The following DAG1 variants were observed in gnomAD, a reference collection of about 807,000 sequenced individuals.
DAG1 encodes the protein dystroglycan 1.
DAG1 carries 8 observed loss-of-function variants against 46.1 expected under a neutral mutation model. The ratio of observed to expected loss-of-function variants is 0.17; its 90% CI spans 0.10 to 0.31. DAG1 has a LOEUF of 0.31. Among genes scored for constraint, DAG1 ranks in the 10% least tolerant of loss-of-function variants. The pLI is 1.00. For missense variants in DAG1, 1,003 were observed against 1,189.9 expected (o/e 0.84, Z 2.31); for synonymous variants, 495 against 481.8 (o/e 1.03, Z -0.36).
chr3:49,496,672 T>TC (rs1297347693), intron 1 of DAG1, among the ~76,000 whole-genome samples: 1 of 151,162 alleles, frequency 6.6e-6, no homozygotes, highest in Non-Finnish European at 1.5e-5. Context: ...AATTTTTTTT[T>TC]CTTTTTTTTT....
At chr3:49,504,540 A>G (rs192401133) in intron 1 of DAG1, among the ~76,000 whole-genome samples, 37 of 112,110 alleles carry the variant, frequency 3.3e-4, no homozygotes, top group Admixed American at 1.9e-3. Flanking sequence ...CCATTTGTCT[A>G]TGTATCTGTC....
At chr3:49,527,628 G>A (rs1025040725) in intron 2 of DAG1, among the ~76,000 whole-genome samples, 6 of 152,198 alleles carry the variant, frequency 3.9e-5, no homozygotes, top group East Asian at 1.9e-4. Context: ...GCGTGATCCC[G>A]GGAGGCGGAG....
Position 49,514,669 on chromosome 3 carries a change from G to A in DAG1, c.285+3850G>A, listed in dbSNP as rs555962180. 6.7e-5 allele frequency among the ~76,000 whole-genome samples: 10 copies of A among 149,582 alleles called. No homozygotes were observed. In the East Asian group the frequency reaches 2.0e-3, roughly 30 times the overall value. On this transcript the variant is annotated intron_variant, in intron 2 of 2. Transcript: ENST00000308775. ...TGTTTTTTTGGGGGGATGGAGTTTC[G>A]CTCTTGTCGCCCAGGATGGAGTACA...
intron 1 of DAG1, among the ~76,000 whole-genome samples, chr3:49,472,241 G>C (rs1035533893): frequency 1.2e-4 from 18 of 152,214 alleles, no homozygotes; most frequent in African/African-American, 3.6e-4. Context: ...GGAGAGGTGG[G>C]GAGGGAGAAG....
intron 1 of DAG1, among the ~76,000 whole-genome samples, chr3:49,475,714 T>TC: frequency 6.6e-6 from 1 of 150,938 alleles, no homozygotes; most frequent in South Asian, 2.1e-4. Flanking sequence ...TTTTTTTTTT[T>TC]TGAGACGGAG....
intron 1 of DAG1, among the ~76,000 whole-genome samples, chr3:49,477,231 A>G (rs1372334105): frequency 6.6e-6 from 1 of 152,104 alleles, no homozygotes; most frequent in Non-Finnish European, 1.5e-5. Flanking sequence ...TCCCGACGTC[A>G]GGTGATCTGC....
At chr3:49,493,277 C>G (rs536405536) in intron 1 of DAG1, among the ~76,000 whole-genome samples, 1 of 152,022 alleles carries the variant, frequency 6.6e-6, no homozygotes, top group South Asian at 2.1e-4. Context: ...CTCCTGGGCT[C>G]AAGCAATCCA....
chr3:49,496,254 C>T (rs966872959), intron 1 of DAG1, among the ~76,000 whole-genome samples: 1 of 152,034 alleles, frequency 6.6e-6, no homozygotes, highest in Non-Finnish European at 1.5e-5. Flanking sequence ...CTCATGGCAG[C>T]CTCAACCTCC....
chr3:49,515,862 A>G (rs991773563), intron 2 of DAG1, among the ~76,000 whole-genome samples: 1 of 151,962 alleles, frequency 6.6e-6, no homozygotes, highest in African/African-American at 2.4e-5. Flanking sequence ...TGTTCTCCAT[A>G]TTGAGTCAAG....
intron 1 of DAG1, among the ~76,000 whole-genome samples, chr3:49,485,855 CTTG>C (rs1317894061): frequency 1.3e-5 from 2 of 151,770 alleles, no homozygotes; most frequent in Non-Finnish European, 2.9e-5. Context: ...GATACATGGT[CTTG>C]TTATGTTGCC....
chr3:49,528,262 T>G (rs1038898283), intron 2 of DAG1, among the ~76,000 whole-genome samples: 3 of 146,840 alleles, frequency 2.0e-5, no homozygotes, highest in Non-Finnish European at 4.5e-5. Flanking sequence ...GCCAAAACAT[T>G]TGAAATAGTG....
At chr3:49,469,649 C>A (rs1559541071), upstream of DAG1, among the ~76,000 whole-genome samples, 3 of 152,240 alleles carry the variant, frequency 2.0e-5, no homozygotes, top group Non-Finnish European at 1.5e-5. Context: ...GTGGGCGAGG[C>A]TCTAGGAGAT....
chr3:49,525,517 G>A (rs969986823), intron 2 of DAG1, among the ~76,000 whole-genome samples: 1 of 151,930 alleles, frequency 6.6e-6, no homozygotes, highest in Non-Finnish European at 1.5e-5. Flanking sequence ...CGCTTCACAC[G>A]GCTGGCCGGA....
rs753789849 is a variant in DAG1 at position 49,531,577 on chromosome 3, C to T, written c.1066C>T (p.Pro356Ser). 10 of 1,612,318 alleles carry T rather than the reference C, an allele frequency of 6.2e-6. No homozygotes were observed. The highest frequency in any genetic ancestry group is 7.6e-6 in the Non-Finnish European group (9 of 1,178,616). ...TGCTCCTCCAACAGAGACCATGGCT[C>T]CTCCAGTCAGGGATCCTGTTCCTGG... The part of the protein sequence containing the change: ...AIAPPTETMA[P>S]PVRDPVPGKP... Residue 356 changes from proline (P) to serine (S), a missense_variant, in exon 3 of 3, where the codon CCT becomes TCT. Around this residue, in one of 3 missense-constraint regions of DAG1, gnomAD observed 755 missense variants for 854.1 expected, o/e 0.88. Coordinates refer to ENST00000308775, the MANE Select transcript of DAG1 (RefSeq NM_004393.6). This position sits in a 1 kb window ranked among gnomAD's most constrained non-coding sequence, Gnocchi z 7.0.
chr3:49,530,855 A>G lies in DAG1; in HGVS notation c.344A>G (p.His115Arg). ...TGGCTGCACTGGGACTCACAGAGCC[A>G]CACCCTGGAGGGCCTCCCCCTTGAC... The part of the protein sequence containing the change: ...PSWLHWDSQS[H>R]TLEGLPLDTD... The change falls in exon 3 of 3, where the codon CAC (histidine) becomes CGC (arginine). Residue 115 changes from histidine (H) to arginine (R), a missense_variant. Coordinates refer to ENST00000308775, the MANE Select transcript of DAG1 (RefSeq NM_004393.6). 1 of 1,614,198 alleles carries G rather than the reference A, an allele frequency of 6.2e-7. No individual in the cohort carries two copies. The highest frequency in any genetic ancestry group is 8.5e-7 in the Non-Finnish European group (1 of 1,180,018).
Position 49,533,355 on chromosome 3 carries a change from C to T in DAG1, c.*156C>T, listed in dbSNP as rs2051424724. 1 of 1,127,502 alleles carries T rather than the reference C, an allele frequency of 8.9e-7. No individual in the cohort carries two copies. The highest frequency in any genetic ancestry group is 2.0e-5 in the Admixed American group (1 of 50,496). The allele number at this position is 1,127,502 out of a possible 1,614,324, so 69.8% of individuals were successfully genotyped here. A position where few individuals can be genotyped will look rare whatever the true frequency, so the allele number is the denominator to read the frequency against. ...AGGGGCCTGGACAAGCCCGCCCTCT[C>T]TGGTCCTCCCAAACCCCAAAGCAGC... On this transcript the variant is annotated 3_prime_UTR_variant, in exon 3 of 3. Coordinates refer to ENST00000308775, the MANE Select transcript of DAG1 (RefSeq NM_004393.6).
At chr3:49,506,388 T>C (rs545724661) in intron 1 of DAG1, among the ~76,000 whole-genome samples, 69 of 152,246 alleles carry the variant, frequency 4.5e-4, no homozygotes, top group Non-Finnish European at 8.8e-4. Flanking sequence ...TAAGGATAAG[T>C]CACTCAGTTT....
intron 1 of DAG1, among the ~76,000 whole-genome samples, chr3:49,484,608 G>T (rs907051152): frequency 6.6e-6 from 1 of 152,068 alleles, no homozygotes; most frequent in Non-Finnish European, 1.5e-5. Flanking sequence ...TCTGTGTGAG[G>T]GGGTGGAGGA....
intron 1 of DAG1, among the ~76,000 whole-genome samples, chr3:49,501,814 CA>C (rs397946201): frequency 1.5e-3 from 181 of 121,614 alleles, no homozygotes; most frequent in Middle Eastern, 4.3e-3. Flanking sequence ...ACTCCCTCTC[CA>C]AAAAAAAAAA....
Sources: allele counts gnomAD v4.1 joint callset (sites outside exome capture counted in the v4.1 genomes callset), GRCh38; gene constraint gnomAD v4.1.1; regional missense constraint gnomAD v4.1.1; non-coding constraint Gnocchi (gnomAD v3.1); transcripts MANE v1.5; gene names NCBI Gene and HGNC (gene_info 2026-07-23, HGNC 2026-07-21).